Variants in TENM2 observed in about 807,000 individuals in gnomAD.
TENM2 encodes the protein teneurin transmembrane protein 2.
TENM2 carries 52 observed loss-of-function variants against 245.2 expected under a neutral mutation model. The observed-to-expected ratio is 0.21, with a 90% CI of 0.17 to 0.27. The LOEUF (loss-of-function observed/expected upper bound fraction) is 0.27, where lower values mean the gene tolerates loss of function less well. TENM2 is among the 10% of genes least tolerant of loss of function. The probability of loss-of-function intolerance (pLI) is 1.00; values close to 1 mark genes in which losing one functional copy is unlikely to be tolerated. For synonymous variants in TENM2, 1,363 were observed against 1,438.9 expected (o/e 0.95, Z 1.19); for missense variants, 3,046 against 3,666.8 (o/e 0.83, Z 4.37).
chr5:167,615,466 C>T (rs1364778664), intron 2 of TENM2, among the ~76,000 whole-genome samples: 3 of 151,936 alleles, frequency 2.0e-5, no homozygotes, highest in Non-Finnish European at 4.4e-5. Flanking sequence ...ACTCATTTGC[C>T]CTTTGTTAGT....
intron 2 of TENM2, among the ~76,000 whole-genome samples, chr5:167,592,358 G>A (rs1469093502): frequency 6.6e-6 from 1 of 152,216 alleles, no homozygotes; most frequent in Admixed American, 6.5e-5. Flanking sequence ...AGCTCAGCAA[G>A]AGCGGTGTGG....
chr5:168,144,090 C>T (rs927136874), intron 12 of TENM2, among the ~76,000 whole-genome samples: 3 of 151,780 alleles, frequency 2.0e-5, no homozygotes, highest in African/African-American at 7.3e-5. Flanking sequence ...AACTTCCAAC[C>T]TCAGGTAATC....
At chr5:167,510,281 T>A (rs1769850109) in intron 2 of TENM2, among the ~76,000 whole-genome samples, 1 of 152,208 alleles carries the variant, frequency 6.6e-6, no homozygotes, top group Non-Finnish European at 1.5e-5. Flanking sequence ...ACTGTGCTTG[T>A]CACATCTCTA....
rs532861527 is a variant in TENM2 at position 167,706,391 on chromosome 5, C to CTA, written c.503-169580_503-169579dup. ...ACAGTATATATAAGAAAATGTGATA[C>CTA]TATATATATATATATAAGAAAATGT... On this transcript the variant is annotated intron_variant, in intron 2 of 28. Coordinates refer to ENST00000518659, the Ensembl canonical transcript of TENM2. 9.4e-3 allele frequency among the ~76,000 whole-genome samples: 1,362 copies of CTA among 144,382 alleles called. 11 individuals are homozygous for CTA. Among genetic ancestry groups the CTA allele is most frequent in the Middle Eastern group, 0.047 (13 of 274 alleles). 94.7% of individuals were successfully genotyped at this position (144,382 alleles called of 152,430 possible).
intron 2 of TENM2, among the ~76,000 whole-genome samples, chr5:167,519,347 A>G (rs923211329): frequency 1.3e-5 from 2 of 152,140 alleles, no homozygotes; most frequent in African/African-American, 4.8e-5. Context: ...CGGTTGATCA[A>G]TTAAGGTCTT....
chr5:167,377,243 T>C (rs1262764429), intron 2 of TENM2, among the ~76,000 whole-genome samples: 3 of 152,190 alleles, frequency 2.0e-5, no homozygotes, highest in African/African-American at 4.8e-5. Context: ...AACATCGTAT[T>C]TGAATAATTT....
At chr5:167,487,494 A>G (rs561079964) in intron 2 of TENM2, among the ~76,000 whole-genome samples, 2 of 152,126 alleles carry the variant, frequency 1.3e-5, no homozygotes, top group Non-Finnish European at 2.9e-5. Context: ...ATGCATGTTT[A>G]TGTTTATGCA....
the TENM2 span, among the ~76,000 whole-genome samples, chr5:167,056,577 A>ATATAAATATATCTATATAAATATATATC: frequency 6.9e-6 from 1 of 145,518 alleles, no homozygotes; most frequent in African/African-American, 2.5e-5. Context: ...ATATGTATCT[A>ATATAAATATATCTATATAAATATATATC]TATAAATATA....
chr5:167,283,610 G>A (rs1341859372), upstream of TENM2, among the ~76,000 whole-genome samples: 1 of 152,216 alleles, frequency 6.6e-6, no homozygotes, highest in Admixed American at 6.5e-5. Flanking sequence ...TGCTCCCCAA[G>A]TATTTCCTGA....
chr5:167,698,552 T>C (rs1158142934), intron 2 of TENM2, among the ~76,000 whole-genome samples: 2 of 152,206 alleles, frequency 1.3e-5, no homozygotes, highest in Non-Finnish European at 2.9e-5. Context: ...TGCACAGATA[T>C]ACTGTACTGC....
At chr5:167,727,865 G>A (rs1007202281) in intron 2 of TENM2, among the ~76,000 whole-genome samples, 17 of 152,044 alleles carry the variant, frequency 1.1e-4, no homozygotes, top group African/African-American at 3.6e-4. Context: ...CCTTTATATT[G>A]TGCTACCAAA....
chr5:168,094,302 TG>T (rs1793182005), intron 8 of TENM2, among the ~76,000 whole-genome samples: 1 of 151,666 alleles, frequency 6.6e-6, no homozygotes, highest in Non-Finnish European at 1.5e-5. Context: ...GCCTTTTCCA[TG>T]GGACTGTGGT....
chr5:167,186,316 G>A, the TENM2 span, among the ~76,000 whole-genome samples: 18 of 152,322 alleles, frequency 1.2e-4, no homozygotes, highest in African/African-American at 3.8e-4. Flanking sequence ...ATGCTGCTGT[G>A]TTTGAAAGAT....
chr5:167,052,781 C>T, the TENM2 span, among the ~76,000 whole-genome samples: 2 of 150,424 alleles, frequency 1.3e-5, no homozygotes, highest in African/African-American at 4.9e-5. Context: ...TTTTTTTTCC[C>T]CTAAGTAAGC....
intron 2 of TENM2, among the ~76,000 whole-genome samples, chr5:167,389,294 G>A (rs1276130956): frequency 1.3e-5 from 2 of 150,274 alleles, no homozygotes; most frequent in Non-Finnish European, 3.0e-5. Flanking sequence ...GCATGAAAAA[G>A]AATAAAAATC....
the TENM2 span, among the ~76,000 whole-genome samples, chr5:167,186,202 T>C: frequency 6.6e-6 from 1 of 152,138 alleles, no homozygotes; most frequent in African/African-American, 2.4e-5. Flanking sequence ...AAGAGGACTC[T>C]TGGTTTAACA....
intron 1 of TENM2, among the ~76,000 whole-genome samples, chr5:167,346,167 G>A (rs1758446536): frequency 6.6e-6 from 1 of 152,192 alleles, no homozygotes; most frequent in African/African-American, 2.4e-5. Flanking sequence ...TTGGACTACA[G>A]GAAAGGATCT....
intron 2 of TENM2, among the ~76,000 whole-genome samples, chr5:167,845,281 AACACG>A (rs1349433710): frequency 1.9e-4 from 14 of 71,984 alleles, no homozygotes; most frequent in Admixed American, 1.1e-3. Context: ...ACACACACAC[AACACG>A]GCCCCACTCT....
chr5:167,893,285 A>T (rs192470684), intron 3 of TENM2, among the ~76,000 whole-genome samples: 1 of 152,310 alleles, frequency 6.6e-6, no homozygotes. Flanking sequence ...GCATATTTCC[A>T]TGGTCTTACT....
Sources: allele counts gnomAD v4.1 joint callset (sites outside exome capture counted in the v4.1 genomes callset), GRCh38; gene constraint gnomAD v4.1.1; transcripts MANE v1.5; gene names NCBI Gene and HGNC (gene_info 2026-07-23, HGNC 2026-07-21).